TBC1D22A: variants seen among roughly 807,000 people sequenced by gnomAD.
TBC1D22A encodes TBC1 domain family member 22A, also known as putative GTPase activator.
Under a neutral mutation model 60.2 loss-of-function variants are expected in TBC1D22A, and 38 were observed. The ratio of observed to expected loss-of-function variants is 0.63; its 90% CI spans 0.49 to 0.83. TBC1D22A has a LOEUF of 0.83. TBC1D22A is among the 40% of genes least tolerant of loss of function. The pLI is 0.00. For synonymous variants in TBC1D22A, 302 were observed against 281.7 expected (o/e 1.07, Z -0.72); for missense variants, 628 against 701.0 (o/e 0.90, Z 1.18).
At chr22:47,087,618 A>G (rs2064749715) in intron 11 of TBC1D22A, among the ~76,000 whole-genome samples, 1 of 152,232 alleles carries the variant, frequency 6.6e-6, no homozygotes, top group South Asian at 2.1e-4. Context: ...TGACTTATAT[A>G]CCTACTTACT....
intron 10 of TBC1D22A, among the ~76,000 whole-genome samples, chr22:47,007,913 G>A (rs1234224525): frequency 1.3e-5 from 2 of 152,234 alleles, no homozygotes; most frequent in Non-Finnish European, 2.9e-5. Flanking sequence ...GCTTGGAAGT[G>A]TGGGGTTTAG....
At chr22:47,079,274 A>G (rs896146844) in intron 11 of TBC1D22A, among the ~76,000 whole-genome samples, 15 of 151,900 alleles carry the variant, frequency 9.9e-5, no homozygotes, top group Non-Finnish European at 1.9e-4. Flanking sequence ...TTTAGTAGAG[A>G]TGGGGTTTCA....
chr22:46,889,872 G>C (rs962180166), intron 5 of TBC1D22A, among the ~76,000 whole-genome samples: 1 of 152,176 alleles, frequency 6.6e-6, no homozygotes, highest in East Asian at 1.9e-4. Context: ...ATACAGGGGC[G>C]GGGGGATAGA....
chr22:47,021,967 G>C (rs955670268), intron 10 of TBC1D22A, among the ~76,000 whole-genome samples: 1 of 152,158 alleles, frequency 6.6e-6, no homozygotes, highest in African/African-American at 2.4e-5. Context: ...GTGGCTTACA[G>C]TGAGGGTCTC....
rs1272431650 is a variant in TBC1D22A at position 46,929,503 on chromosome 22, T to C, written c.1015+17315T>C. 3.9e-5 allele frequency among the ~76,000 whole-genome samples: 6 copies of C among 152,340 alleles called. No homozygotes were observed. In the South Asian group the frequency reaches 1.0e-3, roughly 26 times the overall value. On this transcript the variant is annotated intron_variant, in intron 8 of 12. Transcript: ENST00000337137. ...ATCTGTGTCTGTGTGCTTACAGATG[T>C]ACTTCATTCATGGATAGATGCTTTA...
chr22:47,152,385 T>C (rs1303365954), intron 12 of TBC1D22A, among the ~76,000 whole-genome samples: 1 of 152,090 alleles, frequency 6.6e-6, no homozygotes, highest in African/African-American at 2.4e-5. Flanking sequence ...CAGCGCAAGC[T>C]CAGGGTCCCC....
intron 1 of TBC1D22A, among the ~76,000 whole-genome samples, chr22:46,779,892 C>T (rs560405868): frequency 3.5e-4 from 54 of 152,224 alleles, no homozygotes; most frequent in Non-Finnish European, 6.2e-4. Context: ...GGACAGCCCT[C>T]GGAGACCCTC....
chr22:46,911,960 A>G, intron 7 of TBC1D22A, 114 bp from the exon 8 acceptor site: 1 of 682,050 alleles, frequency 1.5e-6, no homozygotes, highest in Non-Finnish European at 2.5e-6. Context: ...TTTGTATCTT[A>G]ATATTAGGAG....
chr22:47,123,645 A>T (rs895353367), intron 12 of TBC1D22A, among the ~76,000 whole-genome samples: 6 of 152,256 alleles, frequency 3.9e-5, no homozygotes, highest in Non-Finnish European at 7.3e-5. Context: ...TAATGGCTTC[A>T]TGCAGGTTTC....
At chr22:46,813,647 G>A (rs1327666328) in intron 4 of TBC1D22A, among the ~76,000 whole-genome samples, 1 of 152,236 alleles carries the variant, frequency 6.6e-6, no homozygotes, top group Admixed American at 6.5e-5. Context: ...TAGAACTAGG[G>A]AGGGTTAGGG....
chr22:46,891,242 A>G (rs750820441), intron 5 of TBC1D22A, 24 bp from the exon 6 acceptor site: 1 of 1,592,634 alleles, frequency 6.3e-7, no homozygotes, highest in Non-Finnish European at 8.5e-7. Flanking sequence ...AACCATGTAT[A>G]TTTTTTGTTT....
chr22:47,128,592 G>C (rs2066574868), intron 12 of TBC1D22A, among the ~76,000 whole-genome samples: 1 of 151,668 alleles, frequency 6.6e-6, no homozygotes, highest in Non-Finnish European at 1.5e-5. Flanking sequence ...CCTGCACGAG[G>C]CTGCAGAAAA....
At chr22:46,989,695 TC>T (rs2074861093) in intron 9 of TBC1D22A, among the ~76,000 whole-genome samples, 1 of 150,614 alleles carries the variant, frequency 6.6e-6, no homozygotes, top group East Asian at 1.9e-4. Flanking sequence ...TCATCACAGA[TC>T]CCCATAAAAG....
intron 7 of TBC1D22A, among the ~76,000 whole-genome samples, chr22:46,903,223 G>C (rs1446785725): frequency 6.6e-6 from 1 of 152,172 alleles, no homozygotes; most frequent in African/African-American, 2.4e-5. Context: ...TGAGGGCCGA[G>C]GGTTGAGGTG....
intron 9 of TBC1D22A, among the ~76,000 whole-genome samples, chr22:46,976,576 T>A (rs1420570662): frequency 6.6e-6 from 1 of 152,218 alleles, no homozygotes; most frequent in Non-Finnish European, 1.5e-5. Context: ...GACCGGCGTG[T>A]CAGCTCCCGG....
At chr22:46,993,113 T>G (rs2075005851) in intron 9 of TBC1D22A, among the ~76,000 whole-genome samples, 1 of 152,194 alleles carries the variant, frequency 6.6e-6, no homozygotes, top group Non-Finnish European at 1.5e-5. Flanking sequence ...GCTGGCAGGT[T>G]TGACTCTGGG....
chr22:46,966,421 C>T (rs9616181), intron 8 of TBC1D22A, among the ~76,000 whole-genome samples: 9,072 of 152,296 alleles, frequency 0.06, 382 homozygotes, highest in Non-Finnish European at 0.091. Context: ...CAGGCACTAA[C>T]ATGTTCTTTG....
At chr22:46,778,071 A>G (rs2083777061) in intron 1 of TBC1D22A, among the ~76,000 whole-genome samples, 1 of 152,188 alleles carries the variant, frequency 6.6e-6, no homozygotes, top group Non-Finnish European at 1.5e-5. Context: ...TAGTACAAAT[A>G]CAGAATGAAA....
At chr22:46,789,946 A>C (rs545027817) in intron 1 of TBC1D22A, among the ~76,000 whole-genome samples, 1 of 152,126 alleles carries the variant, frequency 6.6e-6, no homozygotes, top group South Asian at 2.1e-4. Flanking sequence ...GTCGTCCCCA[A>C]AGTGGAGTCA....
Sources: allele counts gnomAD v4.1 joint callset (sites outside exome capture counted in the v4.1 genomes callset), GRCh38; gene constraint gnomAD v4.1.1; transcripts MANE v1.5; gene names NCBI Gene and HGNC (gene_info 2026-07-23, HGNC 2026-07-21).